SEC14L1: variants seen among roughly 807,000 people sequenced by gnomAD.
SEC14L1 encodes the protein SEC14 like lipid binding 1.
SEC14L1 carries 48 observed loss-of-function variants against 85.3 expected under a neutral mutation model. The ratio of observed to expected loss-of-function variants is 0.56; its 90% CI spans 0.45 to 0.72. SEC14L1 has a LOEUF of 0.72. Ranked by LOEUF, SEC14L1 falls within the 30% of genes least tolerant of loss-of-function variation. SEC14L1 has a pLI of 0.00. For missense variants in SEC14L1, 682 were observed against 921.4 expected, an observed-to-expected ratio of 0.74 and a Z score of 3.36; for synonymous variants, 391 against 355.5, an observed-to-expected ratio of 1.10 and a Z score of -1.12.
rs1976844321 is a variant in SEC14L1 at position 77,213,040 on chromosome 17, TAGG to T, written c.1864-273_1864-271del. ...CCAGCCTGCCAGGCTCCTGCCTCCG[TAGG>T]TGGGGTGGGCTGGGCAGGCCTCGTG... On this transcript the variant is annotated intron_variant, in intron 15 of 16. Coordinates refer to ENST00000436233, the MANE Select transcript of SEC14L1 (RefSeq NM_001143998.2). This position sits in a 1 kb window ranked among gnomAD's most constrained non-coding sequence, Gnocchi z 7.1. 6.6e-6 allele frequency among the ~76,000 whole-genome samples: 1 copy of T among 152,178 alleles called. No individual in the cohort carries two copies. The highest frequency in any genetic ancestry group is 2.4e-5 in the African/African-American group (1 of 41,448).
intron 3 of SEC14L1, among the ~76,000 whole-genome samples, chr17:77,095,749 A>G (rs117139262): frequency 0.021 from 3,191 of 152,186 alleles, 72 homozygotes; most frequent in Admixed American, 0.053. Context: ...CCCAGGAGAC[A>G]GAGGTTTCGG....
At chr17:77,170,654 G>C (rs1243533748) in intron 3 of SEC14L1, among the ~76,000 whole-genome samples, 1 of 152,204 alleles carries the variant, frequency 6.6e-6, no homozygotes, top group Non-Finnish European at 1.5e-5. Context: ...TTGCGGGGCT[G>C]TTTGGACTCT....
At chr17:77,185,570 C>A (rs1269899872) in intron 3 of SEC14L1, among the ~76,000 whole-genome samples, 1 of 152,188 alleles carries the variant, frequency 6.6e-6, no homozygotes, top group African/African-American at 2.4e-5. Flanking sequence ...CTAGCTAAGG[C>A]TACCTCTTAG....
At chr17:77,092,951 CAAAA>C (rs35244244) in intron 2 of SEC14L1, among the ~76,000 whole-genome samples, 32 of 84,460 alleles carry the variant, frequency 3.8e-4, no homozygotes, top group Non-Finnish European at 6.8e-4. Context: ...AACTCCGTCT[CAAAA>C]AAAAAAAAAA....
intron 10 of SEC14L1, 43 bp from the exon 11 acceptor site, chr17:77,205,233 C>T: frequency 1.3e-6 from 2 of 1,566,720 alleles, no homozygotes; most frequent in Non-Finnish European, 1.8e-6. Flanking sequence ...TAGTTTTAGC[C>T]TTAAACTAAT....
At chr17:77,163,492 T>C (rs1974156979) in intron 3 of SEC14L1, among the ~76,000 whole-genome samples, 1 of 152,018 alleles carries the variant, frequency 6.6e-6, no homozygotes, top group Admixed American at 6.6e-5. Flanking sequence ...CTCCTCCTCT[T>C]CCCTCCTCTT....
intron 15 of SEC14L1, among the ~76,000 whole-genome samples, 176 bp downstream of exon 15, chr17:77,212,377 G>T (rs1976801464): frequency 6.6e-6 from 1 of 152,192 alleles, no homozygotes; most frequent in South Asian, 2.1e-4. Flanking sequence ...TCGTAGGAAG[G>T]AGTTCAGGCC....
At chr17:77,089,471 C>G (rs778958991) in intron 2 of SEC14L1, 1 of 518,728 alleles carries the variant, frequency 1.9e-6, no homozygotes, top group Admixed American at 1.9e-5. Flanking sequence ...GTTTGATGAT[C>G]ATGTATGATA....
rs535464959 is a variant in SEC14L1, at chr17:77,127,621, A to T, written c.-135-15025A>T. Among the ~76,000 whole-genome samples the T allele has an allele frequency of 3.1e-3, 477 of 152,290 alleles. 1 individual carries two copies. Among genetic ancestry groups the T allele is most frequent in the African/African-American group, 0.011 (456 of 41,570 alleles). On this transcript the variant is annotated intron_variant, in intron 3 of 19. Coordinates refer to the SEC14L1 transcript ENST00000392476. Reference sequence around the variant, plus strand: ...TGCCTCAGCCTCCCAAAGTGCTGGGATTACAGGCGTAAGCCACCACGCCTG... The same window carrying T: ...TGCCTCAGCCTCCCAAAGTGCTGGGTTTACAGGCGTAAGCCACCACGCCTG...
chr17:77,092,938 T>G (rs1185500662), intron 2 of SEC14L1, among the ~76,000 whole-genome samples: 9 of 88,812 alleles, frequency 1.0e-4, no homozygotes, highest in East Asian at 5.8e-4. Flanking sequence ...CTAAAAAGAG[T>G]GAAACTCCGT....
At chr17:77,117,957 C>T (rs1312370737) in intron 3 of SEC14L1, among the ~76,000 whole-genome samples, 3 of 152,350 alleles carry the variant, frequency 2.0e-5, no homozygotes, top group East Asian at 3.9e-4. Flanking sequence ...GAAGTTCTCT[C>T]GAACCTAGGA....
chr17:77,148,825 T>C lies in SEC14L1; in HGVS notation c.63+5166T>C, dbSNP rs142182517. 3.1e-3 allele frequency among the ~76,000 whole-genome samples: 473 copies of C among 152,370 alleles called. 4 individuals carry two copies. The highest frequency in any genetic ancestry group is 0.02 in the Middle Eastern group (6 of 294). On this transcript the variant is annotated intron_variant, in intron 3 of 16. Coordinates refer to ENST00000436233, the MANE Select transcript of SEC14L1 (RefSeq NM_001143998.2). ...TCCTGTGTTGAAGGCTTTCCTGTTA[T>C]CCGTCCTCGCACGTCTCAGCTCCTG... is the stretch of plus-strand genomic sequence containing the variant.
At chr17:77,147,060 C>T (rs1243236639) in intron 3 of SEC14L1, among the ~76,000 whole-genome samples, 3 of 152,184 alleles carry the variant, frequency 2.0e-5, no homozygotes, top group Admixed American at 1.3e-4. Flanking sequence ...CGTCAGAAAG[C>T]GAATGTGCCT....
At chr17:77,127,898 G>A (rs1972498046) in intron 3 of SEC14L1, 1 of 152,388 alleles carries the variant, frequency 6.6e-6, no homozygotes, top group South Asian at 2.1e-4. Context: ...TGGAAGTGGA[G>A]ACTAGCGAGA....
At chr17:77,168,437 C>T (rs892960072) in intron 3 of SEC14L1, among the ~76,000 whole-genome samples, 10 of 152,142 alleles carry the variant, frequency 6.6e-5, no homozygotes. Context: ...TGCATTAACC[C>T]ATGGATACAG....
intron 3 of SEC14L1, among the ~76,000 whole-genome samples, chr17:77,131,638 G>A (rs1258309314): frequency 2.6e-5 from 4 of 152,190 alleles, no homozygotes; most frequent in African/African-American, 9.7e-5. Context: ...ATAAATGTTT[G>A]TTGAATCCAC....
At chr17:77,156,587 A>G (rs1313206998) in intron 3 of SEC14L1, among the ~76,000 whole-genome samples, 3 of 151,982 alleles carry the variant, frequency 2.0e-5, no homozygotes, top group African/African-American at 7.3e-5. Flanking sequence ...AAAAAAAAAA[A>G]AAAGATGTCT....
chr17:77,116,439 C>T lies in SEC14L1; in HGVS notation c.-136+23092C>T, dbSNP rs1416061478. Among the ~76,000 whole-genome samples the T allele has an allele frequency of 2.0e-5, 3 of 151,170 alleles. No individual in the cohort carries two copies. The South Asian group carries it at 6.3e-4, about 32-fold the overall frequency. Reference sequence around the variant, plus strand: ...TCGGTGTCACACAGAGGAAATGAACCGGGAAGGATGGTGTGGGATTGTGGA... The same window carrying T: ...TCGGTGTCACACAGAGGAAATGAACTGGGAAGGATGGTGTGGGATTGTGGA... On this transcript the variant is annotated intron_variant, in intron 3 of 19. Transcript: ENST00000392476.
At chr17:77,118,645 A>G (rs485018) in intron 3 of SEC14L1, among the ~76,000 whole-genome samples, 131,264 of 152,274 alleles carry the variant, frequency 0.86, 56,937 homozygotes, top group African/African-American at 0.96. Flanking sequence ...CTCGGCCCCA[A>G]CCAGAGAAGA....
Sources: allele counts gnomAD v4.1 joint callset (sites outside exome capture counted in the v4.1 genomes callset), GRCh38; gene constraint gnomAD v4.1.1; non-coding constraint Gnocchi (gnomAD v3.1); transcripts MANE v1.5; gene names NCBI Gene and HGNC (gene_info 2026-07-23, HGNC 2026-07-21).